TAFA1: variants seen among roughly 807,000 people sequenced by gnomAD.
TAFA1 encodes TAFA chemokine like family member 1, also known as chemokine-like protein TAFA-1.
TAFA1 carries 4 observed loss-of-function variants against 18.5 expected under a neutral mutation model. The ratio of observed to expected loss-of-function variants is 0.22; its 90% confidence interval spans 0.11 to 0.49. TAFA1 has a LOEUF of 0.49. Ranked by LOEUF, TAFA1 falls within the 20% of genes least tolerant of loss-of-function variation. TAFA1 has a pLI of 0.98. For missense variants in TAFA1, 147 were observed against 169.0 expected, an observed-to-expected ratio of 0.87 and a Z score of 0.72; for synonymous variants, 56 against 55.2, an observed-to-expected ratio of 1.01 and a Z score of -0.06.
At chr3:68,080,213 A>G (rs186102762) in intron 2 of TAFA1, among the ~76,000 whole-genome samples, 2,533 of 152,260 alleles carry the variant, frequency 0.017, 73 homozygotes, top group African/African-American at 0.058. Flanking sequence ...GTGTCTCTGC[A>G]CGTGAGATGG....
At position 68,071,381 on chromosome 3, in the gene TAFA1, A is replaced by G. The variant is rs1427346423; in HGVS notation, c.118+64637A>G. On this transcript the variant is annotated intron_variant, in intron 2 of 4. Coordinates refer to ENST00000478136, the MANE Select transcript of TAFA1 (RefSeq NM_213609.4). Reference sequence around the variant, plus strand: ...CCCCGTGATTCAACAACCTCCCACCAGGTCCCTCCCAAACATGAGAATTGT... The same window carrying G: ...CCCCGTGATTCAACAACCTCCCACCGGGTCCCTCCCAAACATGAGAATTGT... 2.6e-5 allele frequency among the ~76,000 whole-genome samples: 4 copies of G among 152,342 alleles called. No homozygotes were observed. The East Asian group carries it at 7.7e-4, about 29-fold the overall frequency.
intron 3 of TAFA1, among the ~76,000 whole-genome samples, chr3:68,435,968 C>T (rs1470323914): frequency 1.3e-5 from 2 of 152,054 alleles, no homozygotes; most frequent in Admixed American, 6.6e-5. Flanking sequence ...GATATTTTTA[C>T]TTGATTGAGC....
rs190062826 is a variant in TAFA1, at chr3:68,131,962, G to T, written c.118+125218G>T. Among the ~76,000 whole-genome samples the T allele has an allele frequency of 2.4e-3, 371 of 152,096 alleles. 1 individual carries two copies. Among genetic ancestry groups the T allele is most frequent in the Non-Finnish European group, 4.3e-3 (289 of 67,996 alleles). ...TGTTACATAGGTATACACGTGCCAT[G>T]GTGGTTTGCTGCACTCATCAACCCG... On this transcript the variant is annotated intron_variant, in intron 2 of 4. Coordinates refer to ENST00000478136, the MANE Select transcript of TAFA1 (RefSeq NM_213609.4).
chr3:68,286,743 G>A (rs568878280), intron 2 of TAFA1, among the ~76,000 whole-genome samples: 1 of 152,270 alleles, frequency 6.6e-6, no homozygotes, highest in African/African-American at 2.4e-5. Context: ...GAGGAGACAA[G>A]CACAAGGTTG....
chr3:68,283,550 G>A (rs754441276), intron 2 of TAFA1, among the ~76,000 whole-genome samples: 1 of 152,110 alleles, frequency 6.6e-6, no homozygotes, highest in Admixed American at 6.5e-5. Context: ...TTTGCAGTGA[G>A]CGCTTCTAAA....
chr3:68,032,419 A>G (rs1163659331), intron 2 of TAFA1, among the ~76,000 whole-genome samples: 1 of 152,136 alleles, frequency 6.6e-6, no homozygotes, highest in Non-Finnish European at 1.5e-5. Context: ...CCCAGAGCTC[A>G]TTTCAACTCA....
At chr3:68,378,261 C>T (rs558416815) in intron 2 of TAFA1, among the ~76,000 whole-genome samples, 1 of 152,302 alleles carries the variant, frequency 6.6e-6, no homozygotes, top group South Asian at 2.1e-4. Flanking sequence ...GCTGTGTGAG[C>T]TCACATCTTG....
At chr3:68,474,850 G>A (rs1246258057) in intron 3 of TAFA1, among the ~76,000 whole-genome samples, 1 of 152,174 alleles carries the variant, frequency 6.6e-6, no homozygotes, top group East Asian at 1.9e-4. Flanking sequence ...AAATGACAAA[G>A]ATAACTTTGA....
At chr3:68,370,506 A>ATCTATATATATATATG (rs1553682580) in intron 2 of TAFA1, among the ~76,000 whole-genome samples, 1 of 75,076 alleles carries the variant, frequency 1.3e-5, no homozygotes, top group Non-Finnish European at 2.5e-5. Flanking sequence ...ATATATATAT[A>ATCTATATATATATATG]TATATATATA....
At chr3:68,292,427 A>AC (rs1553669195) in intron 2 of TAFA1, among the ~76,000 whole-genome samples, 5 of 151,394 alleles carry the variant, frequency 3.3e-5, no homozygotes, top group Admixed American at 1.3e-4. Context: ...AAAAAAACAA[A>AC]AAAAAAAACC....
chr3:68,331,191 G>A (rs2068862053), intron 2 of TAFA1, among the ~76,000 whole-genome samples: 1 of 152,094 alleles, frequency 6.6e-6, no homozygotes, highest in Non-Finnish European at 1.5e-5. Flanking sequence ...AAACACAAAG[G>A]TCACATATTG....
In TAFA1 at chr3:68,293,588, C is replaced by T. The variant is rs190457075; in HGVS notation, c.119-123692C>T. The stretch of plus-strand genomic sequence containing the variant: ...GTCCTGTGATTAATAGTAGCATCTG[C>T]ATCCTTGGGTCTCTGTAAGAATTAA... On this transcript the variant is annotated intron_variant, in intron 2 of 4. Coordinates refer to ENST00000478136, the MANE Select transcript of TAFA1 (RefSeq NM_213609.4). 5.9e-5 allele frequency among the ~76,000 whole-genome samples: 9 copies of T among 152,320 alleles called. No homozygotes were observed. In the East Asian group the frequency reaches 1.5e-3, roughly 26 times the overall value.
At chr3:68,226,159 T>C (rs2066797534) in intron 2 of TAFA1, among the ~76,000 whole-genome samples, 3 of 152,318 alleles carry the variant, frequency 2.0e-5, no homozygotes, top group Middle Eastern at 3.4e-3. Context: ...TTCCCACTGT[T>C]CCTTAGAGCT....
chr3:68,195,028 C>T lies in TAFA1; in HGVS notation c.118+188284C>T, dbSNP rs528898665. Among the ~76,000 whole-genome samples, 37 of 151,590 alleles carry T rather than the reference C, an allele frequency of 2.4e-4. No individual in the cohort carries two copies. In the South Asian group the frequency reaches 7.7e-3, roughly 32 times the overall value. ...TTAAAGTGGATATATCCCTTACATG[C>T]CCATCCATGTCTGGGTCCTCACATG... On this transcript the variant is annotated intron_variant, in intron 2 of 4. Transcript: ENST00000478136.
intron 2 of TAFA1, among the ~76,000 whole-genome samples, chr3:68,386,211 G>T (rs534299138): frequency 2.4e-4 from 36 of 152,192 alleles, no homozygotes; most frequent in African/African-American, 7.7e-4. Context: ...TTTTTTATAT[G>T]AGGAAACAAA....
chr3:68,117,120 A>G (rs1429265216), intron 2 of TAFA1, among the ~76,000 whole-genome samples: 1 of 152,102 alleles, frequency 6.6e-6, no homozygotes, highest in East Asian at 1.9e-4. Flanking sequence ...TTCTTTTTCC[A>G]TGTTAGCCTT....
At chr3:68,506,189 T>A (rs1396405706) in intron 3 of TAFA1, among the ~76,000 whole-genome samples, 1 of 152,128 alleles carries the variant, frequency 6.6e-6, no homozygotes, top group Non-Finnish European at 1.5e-5. Flanking sequence ...AGTTTCCAGC[T>A]TCATCCATGT....
intron 2 of TAFA1, among the ~76,000 whole-genome samples, chr3:68,399,976 G>C (rs953492236): frequency 2.6e-5 from 4 of 152,128 alleles, no homozygotes; most frequent in African/African-American, 9.7e-5. Flanking sequence ...CCAAAGGTGA[G>C]CTCACATTTT....
intron 3 of TAFA1, among the ~76,000 whole-genome samples, chr3:68,478,369 T>C (rs2072145277): frequency 6.6e-6 from 1 of 152,160 alleles, no homozygotes; most frequent in South Asian, 2.1e-4. Context: ...AGCAATCTGT[T>C]TGAGATAAAA....
Sources: gnomAD v4.1 joint callset for allele counts (sites outside exome capture counted in the v4.1 genomes callset) on GRCh38, gnomAD v4.1.1 for gene constraint, MANE v1.5 for transcripts, NCBI Gene and HGNC (gene_info 2026-07-23, HGNC 2026-07-21) for gene names.